The following MYH13 variants were observed in gnomAD, a reference collection of about 807,000 sequenced individuals.
MYH13 encodes the protein myosin-13.
A neutral mutation model predicts 232.1 loss-of-function variants in MYH13; 177 were observed. That is an observed-to-expected ratio of 0.76 (90% CI 0.67 to 0.86). MYH13 has a LOEUF of 0.86. Ranked by LOEUF, MYH13 falls within the 40% of genes least tolerant of loss-of-function variation. MYH13 has a pLI of 0.00. For missense variants in MYH13, 2,246 were observed against 2,405.9 expected, an observed-to-expected ratio of 0.93 and a Z score of 1.39; for synonymous variants, 884 against 923.5, an observed-to-expected ratio of 0.96 and a Z score of 0.78.
chr17:10,301,499 G>A (rs1321298246), intron 40 of MYH13, 70 bp downstream of exon 40: 21 of 1,594,236 alleles, frequency 1.3e-5, no homozygotes, highest in African/African-American at 4.0e-5. Flanking sequence ...TCAGGCATTC[G>A]CTCTTACCTG....
intron 22 of MYH13, among the ~76,000 whole-genome samples, chr17:10,325,446 TG>T (rs1380819032): frequency 6.6e-6 from 1 of 152,216 alleles, no homozygotes; most frequent in African/African-American, 2.4e-5. Flanking sequence ...CTAAAAGTGT[TG>T]GGATTATAGG....
chr17:10,300,992 T>C lies in MYH13; in HGVS notation c.5803-27A>G, dbSNP rs760819921. On this transcript the variant is annotated intron_variant, in intron 40 of 40. Coordinates refer to ENST00000252172, the MANE Select transcript of MYH13 (RefSeq NM_003802.3). Reference sequence around the variant, plus strand: ...TGTGGGAGAAAAAAATAATTGTACATAGGAAATGAGTCAACTAAATGGGAG... The same window carrying C: ...TGTGGGAGAAAAAAATAATTGTACACAGGAAATGAGTCAACTAAATGGGAG... 6 of 1,608,434 alleles carry C rather than the reference T, an allele frequency of 3.7e-6. No individual in the cohort carries two copies. The East Asian group carries it at 6.7e-5, about 18-fold the overall frequency.
At position 10,303,204 on chromosome 17, in the gene MYH13, C is replaced by A; in HGVS notation, c.5659G>T (p.Glu1887Ter). The A allele has an allele frequency of 6.2e-7, 1 of 1,612,948 alleles. No homozygotes were observed. Among genetic ancestry groups the A allele is most frequent in the South Asian group, 1.1e-5 (1 of 91,030 alleles). The change falls in exon 39 of 41, where the codon GAG (glutamate) becomes TAG (stop). Residue 1887 changes from glutamate (E) to a stop codon, truncating the protein, a stop_gained. Coordinates refer to ENST00000252172, the MANE Select transcript of MYH13 (RefSeq NM_003802.3). LOFTEE classifies it high-confidence loss of function. ...GGACCTCCTGTGCTTACCGCCTCCT[C>A]AGCCTGCCTCTTGTAAGACTTCACT... Reference protein sequence around the residue: ...AKVKSYKRQAEEAEEQANTQL... With the variant: ...AKVKSYKRQA
rs749797884 is a variant in MYH13 at position 10,309,248 on chromosome 17, G to A, written c.5155C>T (p.Leu1719Phe). 1 of 1,613,380 alleles carries A rather than the reference G, an allele frequency of 6.2e-7. No homozygotes were observed. Among genetic ancestry groups the A allele is most frequent in the African/African-American group, 1.3e-5 (1 of 75,076 alleles). Residue 1719 changes from leucine to phenylalanine, a missense_variant, in exon 35 of 41, where the codon CTC (leucine) becomes TTC (phenylalanine). Leu to Phe is a conservative substitution (Grantham distance 22). Transcript: ENST00000252172. ...GGCCGACGCACCTGGGAGTGCAGGA[G>A]CTGCACGCGGTCGCTGGCGTCCAGC... ...ELLDASDRVQ[L>F]LHSQNTSLIN...
chr17:10,350,575 C>T lies in MYH13; in HGVS notation c.1125G>A (p.Ala375=), dbSNP rs764762691. 4.3e-6 allele frequency: 7 copies of T among 1,613,112 alleles called. No homozygotes were observed. The highest frequency in any genetic ancestry group is 2.7e-5 in the African/African-American group (2 of 74,940). Residue 375 remains alanine, a synonymous_variant, in exon 12 of 41, where the codon GCG becomes GCA. Transcript: ENST00000252172. ...AGTTACCTTCGGTGCCGTCTGGCTC[C>T]GCCTGCTCCTCACGCTGCTTCTGCT... ...KFKQKQREEQ[A]EPDGTEVADK...
chr17:10,329,334 A>G (rs893370264), intron 21 of MYH13, among the ~76,000 whole-genome samples: 1 of 152,204 alleles, frequency 6.6e-6, no homozygotes, highest in Non-Finnish European at 1.5e-5. Context: ...GAATTATCAA[A>G]GGAAAAAGAC....
intron 39 of MYH13, among the ~76,000 whole-genome samples, chr17:10,302,484 C>A (rs767772774): frequency 1.3e-5 from 2 of 152,200 alleles, no homozygotes; most frequent in African/African-American, 4.8e-5. Flanking sequence ...ACAACATCTA[C>A]AAAATCTGAG....
Position 10,320,226 on chromosome 17 carries a change from C to T in MYH13, c.3275G>A (p.Ser1092Asn). The T allele has an allele frequency of 6.2e-7, 1 of 1,604,740 alleles. No homozygotes were observed. The highest frequency in any genetic ancestry group is 1.7e-5 in the Admixed American group (1 of 58,410). Residue 1092 changes from serine to asparagine, a missense_variant, in exon 26 of 41, where the codon AGT becomes AAT. By Grantham distance (46) the Ser-to-Asn change is conservative. Transcript: ENST00000252172. ...EKLKKKEFELSQLQAKIDDEQ... is the reference protein window; with the variant it reads ...EKLKKKEFELNQLQAKIDDEQ... ...GTCATCTATTTTGGCTTGTAACTGA[C>T]TGAGTTCAAACTCCTTCCTGCAAAT...
At chr17:10,357,063 C>T (rs531471353) in intron 8 of MYH13, among the ~76,000 whole-genome samples, 8 of 152,198 alleles carry the variant, frequency 5.3e-5, no homozygotes, top group South Asian at 2.1e-4. Context: ...CGGGTTCAAG[C>T]GATTCTCCTG....
At chr17:10,323,514 T>C (rs1446478995) in intron 23 of MYH13, among the ~76,000 whole-genome samples, 2 of 151,952 alleles carry the variant, frequency 1.3e-5, no homozygotes, top group Non-Finnish European at 2.9e-5. Flanking sequence ...TCCAAGCACT[T>C]TGAGAGGCCG....
chr17:10,350,640 G>GT lies in MYH13; in HGVS notation c.1059dup (p.Leu354ThrfsTer19). ...CCATAATGCATCACGGCTCCCGTCA[G>GT]TTTGTAGATCCCGACTTTCTCCTCT... On this transcript the variant is annotated frameshift_variant, in exon 12 of 41. Coordinates refer to ENST00000252172, the MANE Select transcript of MYH13 (RefSeq NM_003802.3). LOFTEE classifies it high-confidence loss of function. 2 of 1,613,776 alleles carry GT rather than the reference G, an allele frequency of 1.2e-6. No individual in the cohort carries two copies. Among genetic ancestry groups the GT allele is most frequent in the Non-Finnish European group, 1.7e-6 (2 of 1,179,970 alleles).
At chr17:10,301,449 C>T in intron 40 of MYH13, 120 bp downstream of exon 40, 8 of 1,448,978 alleles carry the variant, frequency 5.5e-6, no homozygotes, top group East Asian at 2.3e-5. Flanking sequence ...TTACCTGGTC[C>T]CCACATCTCA....
Position 10,326,728 on chromosome 17 carries a change from C to T in MYH13, c.2691+1138G>A, listed in dbSNP as rs1488544984. ...TCCTGACCTTGTGATCTGCCCGCCT[C>T]GGTCTCCCACAGTGCTGGGATTACA... On this transcript the variant is annotated intron_variant, in intron 22 of 40. Transcript: ENST00000252172. Among the ~76,000 whole-genome samples the T allele has an allele frequency of 2.6e-5, 4 of 151,482 alleles. No homozygotes were observed. The East Asian group carries it at 5.9e-4, about 22-fold the overall frequency.
Position 10,321,581 on chromosome 17 carries a change from A to G in MYH13, c.3062T>C (p.Val1021Ala), listed in dbSNP as rs772336384. 2 of 1,613,836 alleles carry G rather than the reference A, an allele frequency of 1.2e-6. No individual in the cohort carries two copies. Among genetic ancestry groups the G allele is most frequent in the South Asian group, 1.1e-5 (1 of 91,058 alleles). ...GGCATTTATTTTGATTAGACCATTGACTTTATCTTCTTCCACCTGAAGATC... is the reference window on the plus strand; with the variant it reads ...GGCATTTATTTTGATTAGACCATTGGCTTTATCTTCTTCCACCTGAAGATC... Reference protein sequence around the residue: ...LDDLQVEEDKVNGLIKINAKL... With the variant: ...LDDLQVEEDKANGLIKINAKL... Residue 1021 changes from valine to alanine, a missense_variant, in exon 24 of 41, where the codon GTC becomes GCC. Val to Ala is a moderately conservative substitution (Grantham distance 64). Transcript: ENST00000252172.
chr17:10,332,257 A>G, intron 19 of MYH13, 35 bp from the exon 20 acceptor site: 2 of 1,610,794 alleles, frequency 1.2e-6, no homozygotes, highest in Non-Finnish European at 1.7e-6. Flanking sequence ...ATGGATTCCA[A>G]TCCCCGAAAG....
In MYH13 at chr17:10,300,891, T is replaced by A; in HGVS notation, c.*60A>T. Reference sequence around the variant, plus strand: ...CCGAGTATTTAGGAGAATTTATTTCTCACACATTTTCCCTCCACTCTCTCG... The same window carrying A: ...CCGAGTATTTAGGAGAATTTATTTCACACACATTTTCCCTCCACTCTCTCG... On this transcript the variant is annotated 3_prime_UTR_variant, in exon 41 of 41. Transcript: ENST00000252172. 7 of 1,553,918 alleles carry A rather than the reference T, an allele frequency of 4.5e-6. No homozygotes were observed. Among genetic ancestry groups the A allele is most frequent in the Non-Finnish European group, 6.2e-6 (7 of 1,132,276 alleles).
Position 10,346,706 on chromosome 17 carries a change from CAT to C in MYH13, c.1235_1236del (p.Tyr412CysfsTer3), listed in dbSNP as rs1567668779. ...TGCTGGACATTTTGCCCTTTAGTGA[CAT>C]ATTCATTGCCAACCTTCACCCTTGG... ...CCPRVKVGNE[Y>X]VTKGQNVQQV... On this transcript the variant is annotated frameshift_variant, in exon 13 of 41. Transcript: ENST00000252172. LOFTEE classifies it high-confidence loss of function. 1 of 1,613,852 alleles carries C rather than the reference CAT, an allele frequency of 6.2e-7. No homozygotes were observed. The highest frequency in any genetic ancestry group is 8.5e-7 in the Non-Finnish European group (1 of 1,179,764).
At chr17:10,323,948 A>G (rs1907100018) in intron 23 of MYH13, 74 bp downstream of exon 23, 2 of 1,568,174 alleles carry the variant, frequency 1.3e-6, no homozygotes, top group East Asian at 2.2e-5. Flanking sequence ...CTCCTACGCC[A>G]CCCTTTCTCC....
At chr17:10,347,416 T>TA (rs1294212960) in intron 12 of MYH13, among the ~76,000 whole-genome samples, 3 of 152,144 alleles carry the variant, frequency 2.0e-5, no homozygotes, top group African/African-American at 7.2e-5. Context: ...GACAATACGT[T>TA]AAAATGTTAT....
Sources: allele counts gnomAD v4.1 joint callset (sites outside exome capture counted in the v4.1 genomes callset), GRCh38; gene constraint gnomAD v4.1.1; transcripts MANE v1.5; gene names NCBI Gene and HGNC (gene_info 2026-07-23, HGNC 2026-07-21).